The following NAALADL2 variants were observed in gnomAD, a reference collection of about 807,000 sequenced individuals.
The protein encoded by NAALADL2 is inactive N-acetylated-alpha-linked acidic dipeptidase-like protein 2.
A neutral mutation model predicts 87.2 loss-of-function variants in NAALADL2; 76 were observed. The observed-to-expected ratio is 0.87, with a 90% CI of 0.72 to 1.05. The LOEUF (loss-of-function observed/expected upper bound fraction) is 1.05. Among genes scored for constraint, NAALADL2 ranks in the 50% least tolerant of loss-of-function variants. The probability of loss-of-function intolerance (pLI) is 0.00; values close to 1 mark genes in which losing one functional copy is unlikely to be tolerated. For synonymous variants in NAALADL2, 354 were observed against 331.0 expected, an observed-to-expected ratio of 1.07 and a Z score of -0.75; for missense variants, 1,089 against 945.8, an observed-to-expected ratio of 1.15 and a Z score of -1.99.
chr3:175,209,886 A>G (rs537100188), intron 2 of NAALADL2, among the ~76,000 whole-genome samples: 1 of 149,188 alleles, frequency 6.7e-6, no homozygotes, highest in East Asian at 2.0e-4. Context: ...ATTTAAAAAA[A>G]TTAAAAATAA....
intron 13 of NAALADL2, among the ~76,000 whole-genome samples, chr3:175,765,401 C>A (rs1280210461): frequency 2.0e-5 from 3 of 152,042 alleles, no homozygotes; most frequent in Non-Finnish European, 4.4e-5. Context: ...AAAATTCAAG[C>A]CTCATTTTTT....
chr3:174,533,062 C>G (rs923360982), intron 1 of NAALADL2, among the ~76,000 whole-genome samples: 2 of 149,434 alleles, frequency 1.3e-5, no homozygotes, highest in Non-Finnish European at 1.5e-5. Flanking sequence ...TACAGACACC[C>G]CTTACCCTTT....
intron 1 of NAALADL2, among the ~76,000 whole-genome samples, chr3:175,013,821 C>G (rs1750473755): frequency 6.6e-6 from 1 of 152,070 alleles, no homozygotes; most frequent in Non-Finnish European, 1.5e-5. Flanking sequence ...AAATTCCTTC[C>G]TCTCGCATGT....
intron 3 of NAALADL2, among the ~76,000 whole-genome samples, chr3:174,781,425 G>A (rs1466017010): frequency 6.6e-6 from 1 of 151,420 alleles, no homozygotes; most frequent in Non-Finnish European, 1.5e-5. Flanking sequence ...CCATTCAGAC[G>A]TAGATTTGGT....
chr3:175,313,109 A>T (rs1434615908), intron 4 of NAALADL2, among the ~76,000 whole-genome samples: 1 of 152,022 alleles, frequency 6.6e-6, no homozygotes, highest in Non-Finnish European at 1.5e-5. Context: ...TGGCCTTTTT[A>T]TTCTGTGCAC....
chr3:175,649,225 T>C (rs191530432), intron 11 of NAALADL2, among the ~76,000 whole-genome samples: 1 of 152,308 alleles, frequency 6.6e-6, no homozygotes, highest in East Asian at 1.9e-4. Flanking sequence ...CTACTCATTA[T>C]TCTTTATCAT....
rs767734583 is a variant in NAALADL2, at chr3:175,576,109, A to G, written c.1722A>G (p.Gln574=). 1 of 1,613,054 alleles carries G rather than the reference A, an allele frequency of 6.2e-7. No individual in the cohort carries two copies. Among genetic ancestry groups the G allele is most frequent in the South Asian group, 1.1e-5 (1 of 91,064 alleles). ...CCAATATCAGTTCTATACAGATACA[A>G]GGTGATGCTGATTATTTCATCAACC... ...PETNISSIQI[Q]GDADYFINHL... The change falls in exon 10 of 14, where the codon CAA becomes CAG. Residue 574 remains glutamine (Q), a synonymous_variant. Transcript: ENST00000454872.
At chr3:175,190,820 CA>C (rs906273664) in intron 2 of NAALADL2, among the ~76,000 whole-genome samples, 1 of 150,778 alleles carries the variant, frequency 6.6e-6, no homozygotes, top group South Asian at 2.1e-4. Flanking sequence ...ACTAAAAATA[CA>C]AAAAAAATTA....
At chr3:175,724,441 G>A (rs1468469692) in intron 11 of NAALADL2, among the ~76,000 whole-genome samples, 1 of 152,098 alleles carries the variant, frequency 6.6e-6, no homozygotes, top group South Asian at 2.1e-4. Flanking sequence ...GAAAGTTACT[G>A]TAAGAACCTT....
intron 10 of NAALADL2, among the ~76,000 whole-genome samples, chr3:175,610,059 AG>A (rs1318844252): frequency 6.6e-6 from 1 of 152,232 alleles, no homozygotes; most frequent in Non-Finnish European, 1.5e-5. Flanking sequence ...AATTTAAAAT[AG>A]GAAGCTAAAA....
chr3:175,163,019 G>C (rs1295839603), intron 2 of NAALADL2, among the ~76,000 whole-genome samples: 1 of 152,032 alleles, frequency 6.6e-6, no homozygotes, highest in African/African-American at 2.4e-5. Flanking sequence ...GCTTGAAAAA[G>C]TAGATCTTTG....
intron 1 of NAALADL2, among the ~76,000 whole-genome samples, chr3:174,544,736 A>G (rs142737050): frequency 1.1e-3 from 168 of 150,848 alleles, no homozygotes; most frequent in African/African-American, 3.8e-3. Flanking sequence ...ACACCCAGCT[A>G]ATTTTTGTAT....
chr3:175,367,260 T>C (rs879778961), intron 5 of NAALADL2, among the ~76,000 whole-genome samples: 50 of 151,938 alleles, frequency 3.3e-4, no homozygotes, highest in Non-Finnish European at 6.3e-4. Flanking sequence ...TTGGTTACTG[T>C]AGCCTTGTAG....
At chr3:175,604,459 A>G (rs1407861632) in intron 10 of NAALADL2, among the ~76,000 whole-genome samples, 1 of 149,784 alleles carries the variant, frequency 6.7e-6, no homozygotes, top group Non-Finnish European at 1.5e-5. Context: ...ACCCACCACC[A>G]CGCCTGGCTA....
intron 2 of NAALADL2, among the ~76,000 whole-genome samples, chr3:174,706,382 T>C (rs1428897301): frequency 1.3e-5 from 2 of 152,216 alleles, no homozygotes; most frequent in African/African-American, 2.4e-5. Flanking sequence ...GAAATCCTCA[T>C]GATTTTGGGA....
At chr3:175,099,454 A>G (rs935502405) in intron 2 of NAALADL2, among the ~76,000 whole-genome samples, 1 of 152,192 alleles carries the variant, frequency 6.6e-6, no homozygotes, top group Non-Finnish European at 1.5e-5. Flanking sequence ...TTTCTTCTTC[A>G]AAACAATTGT....
At chr3:174,532,009 C>T (rs1357549930) in intron 1 of NAALADL2, among the ~76,000 whole-genome samples, 1 of 152,062 alleles carries the variant, frequency 6.6e-6, no homozygotes, top group African/African-American at 2.4e-5. Flanking sequence ...AAATATCTGA[C>T]CCCAGTGATT....
chr3:174,628,466 G>C (rs1450727279), intron 2 of NAALADL2, among the ~76,000 whole-genome samples: 1 of 100,332 alleles, frequency 1.0e-5, no homozygotes, highest in East Asian at 2.6e-4. Flanking sequence ...GACAGTGCGA[G>C]ACTGTCTCAA....
At chr3:174,890,173 T>C (rs1730697300) in intron 1 of NAALADL2, among the ~76,000 whole-genome samples, 1 of 143,734 alleles carries the variant, frequency 7.0e-6, no homozygotes, top group Non-Finnish European at 1.5e-5. Context: ...AGATTATGTA[T>C]AGTAATAAAG....
Sources: gnomAD v4.1 joint callset for allele counts (sites outside exome capture counted in the v4.1 genomes callset) on GRCh38, gnomAD v4.1.1 for gene constraint, MANE v1.5 for transcripts, NCBI Gene and HGNC (gene_info 2026-07-23, HGNC 2026-07-21) for gene names.